ARHGEF12: variants seen among roughly 807,000 people sequenced by gnomAD.
ARHGEF12 encodes Rho guanine nucleotide exchange factor 12.
A neutral mutation model predicts 211.2 loss-of-function variants in ARHGEF12; 66 were observed. The ratio of observed to expected loss-of-function variants is 0.31; its 90% CI spans 0.26 to 0.38. The LOEUF (loss-of-function observed/expected upper bound fraction) is 0.38, where lower values mean the gene tolerates loss of function less well. Among genes scored for constraint, ARHGEF12 ranks in the 10% least tolerant of loss-of-function variants. ARHGEF12 has a pLI of 1.00. For synonymous variants in ARHGEF12, 592 were observed against 638.4 expected (o/e 0.93, Z 1.09); for missense variants, 1,429 against 1,869.5 (o/e 0.76, Z 4.34).
intron 1 of ARHGEF12, among the ~76,000 whole-genome samples, chr11:120,395,065 AAAAAAAAAAAAAAAAGAT>A (rs1287428759): frequency 6.6e-6 from 1 of 151,246 alleles, no homozygotes; most frequent in East Asian, 1.9e-4. Context: ...TCAAAAAAAA[AAAAAAAAAAAAAAAAGAT>A]AAGGGAGCAT....
chr11:120,421,947 G>A, intron 6 of ARHGEF12, 95 bp downstream of exon 6: 1 of 916,690 alleles, frequency 1.1e-6, no homozygotes, highest in South Asian at 1.6e-5. Context: ...TTTATAAAAA[G>A]CATCATACTT....
At chr11:120,452,568 G>A (rs1381586311) in intron 22 of ARHGEF12, among the ~76,000 whole-genome samples, 1 of 152,190 alleles carries the variant, frequency 6.6e-6, no homozygotes, top group Non-Finnish European at 1.5e-5. Context: ...ACGTCACCAA[G>A]TGTGATTTTT....
intron 38 of ARHGEF12, 140 bp from the exon 39 acceptor site, chr11:120,481,120 G>T: frequency 1.3e-6 from 1 of 742,230 alleles, no homozygotes; most frequent in Non-Finnish European, 2.2e-6. Context: ...AAATTCTGAT[G>T]TACCTGAAAC....
intron 1 of ARHGEF12, among the ~76,000 whole-genome samples, chr11:120,379,693 T>G (rs1943826013): frequency 6.6e-6 from 1 of 152,100 alleles, no homozygotes; most frequent in Non-Finnish European, 1.5e-5. Flanking sequence ...AGGAGGTATT[T>G]TCATCTGAGG....
At chr11:120,375,023 T>C (rs1288846642) in intron 1 of ARHGEF12, among the ~76,000 whole-genome samples, 1 of 152,204 alleles carries the variant, frequency 6.6e-6, no homozygotes, top group African/African-American at 2.4e-5. Context: ...CACTTTAGTT[T>C]CTCAGTGAAA....
intron 12 of ARHGEF12, chr11:120,439,916 A>C (rs1007912994): frequency 1.2e-5 from 6 of 485,282 alleles, no homozygotes; most frequent in African/African-American, 6.0e-5. Context: ...CCCAAAAAAA[A>C]CTCGTTGTTG....
chr11:120,380,988 T>A (rs1318996285), intron 1 of ARHGEF12, among the ~76,000 whole-genome samples: 1 of 152,214 alleles, frequency 6.6e-6, no homozygotes, highest in Non-Finnish European at 1.5e-5. Flanking sequence ...TTTTTGAACA[T>A]CTCCTGACGT....
chr11:120,353,457 G>A (rs1943049038), intron 1 of ARHGEF12, among the ~76,000 whole-genome samples: 2 of 152,032 alleles, frequency 1.3e-5, no homozygotes, highest in Non-Finnish European at 1.5e-5. Flanking sequence ...AGACTCTTGC[G>A]GTCCATCTCA....
intron 10 of ARHGEF12, 147 bp downstream of exon 10, chr11:120,429,978 A>G (rs2135720935): frequency 1.2e-6 from 1 of 813,316 alleles, no homozygotes; most frequent in South Asian, 2.8e-5. Context: ...TTACAGAAGT[A>G]ATGATTAACA....
Position 120,481,599 on chromosome 11 carries a change from T to C in ARHGEF12, c.4554+23T>C, listed in dbSNP as rs762437074. On this transcript the variant is annotated intron_variant, in intron 39 of 40. Transcript: ENST00000397843. ...AAGGTACCTCATACTTCCACATCCA[T>C]AGGACTTGGTTGTAAGAAACATTTA... 42 of 1,601,778 alleles carry C rather than the reference T, an allele frequency of 2.6e-5. No homozygotes were observed. In the South Asian group the frequency reaches 4.1e-4, roughly 16 times the overall value.
rs560425299 is a variant in ARHGEF12, at chr11:120,340,714, C to T, written c.32+3439C>T. ...ACCTTTTCTTGTAAAGTCAGCCAGT[C>T]CATAAATACAAAATTGAAATGGGGG... On this transcript the variant is annotated intron_variant, in intron 1 of 40. Transcript: ENST00000397843. 1.2e-4 allele frequency among the ~76,000 whole-genome samples: 18 copies of T among 152,222 alleles called. No individual in the cohort carries two copies. In the South Asian group the frequency reaches 2.9e-3, roughly 25 times the overall value.
chr11:120,382,119 G>A (rs10892568), intron 1 of ARHGEF12, among the ~76,000 whole-genome samples: 94,492 of 152,030 alleles, frequency 0.62, 30,739 homozygotes, highest in African/African-American at 0.81. Context: ...TTCAGTTTTT[G>A]GCATTAGGAG....
chr11:120,421,903 T>C (rs1345465743), intron 6 of ARHGEF12, 51 bp downstream of exon 6: 1 of 1,382,788 alleles, frequency 7.2e-7, no homozygotes, highest in Non-Finnish European at 1.0e-6. Context: ...AAACAACATA[T>C]ATTGGTCATA....
At chr11:120,375,793 A>G (rs1943707170) in intron 1 of ARHGEF12, among the ~76,000 whole-genome samples, 1 of 152,118 alleles carries the variant, frequency 6.6e-6, no homozygotes, top group Non-Finnish European at 1.5e-5. Flanking sequence ...CTCAGAAACC[A>G]CATTATATTT....
In ARHGEF12 at chr11:120,432,807, T is replaced by A. The variant is rs76095650; in HGVS notation, c.924+896T>A. Among the ~76,000 whole-genome samples, 43 of 152,322 alleles carry A rather than the reference T, an allele frequency of 2.8e-4. No individual in the cohort carries two copies. The East Asian group carries it at 8.1e-3, about 29-fold the overall frequency. ...GGGATTGTTTTGTTTTGTTGTTTTT[T>A]AAAAAGGAAGCCGTGGTCTAAGCCA... is the stretch of plus-strand genomic sequence containing the variant. On this transcript the variant is annotated intron_variant, in intron 11 of 40. Transcript: ENST00000397843.
chr11:120,389,863 C>A (rs923237083), intron 1 of ARHGEF12, among the ~76,000 whole-genome samples: 1 of 152,192 alleles, frequency 6.6e-6, no homozygotes, highest in Non-Finnish European at 1.5e-5. Context: ...GGAACTCATT[C>A]TTTTTTATGG....
intron 28 of ARHGEF12, among the ~76,000 whole-genome samples, chr11:120,466,568 A>G (rs1275502112): frequency 1.3e-5 from 2 of 152,228 alleles, no homozygotes; most frequent in African/African-American, 4.8e-5. Flanking sequence ...GTTCATACTC[A>G]AGGGCATAGG....
chr11:120,421,479 C>T (rs1260166699), intron 5 of ARHGEF12, among the ~76,000 whole-genome samples: 1 of 138,216 alleles, frequency 7.2e-6, no homozygotes, highest in Admixed American at 7.7e-5. Flanking sequence ...CCCTCTGTCA[C>T]CAGACTGGAG....
intron 1 of ARHGEF12, among the ~76,000 whole-genome samples, chr11:120,358,793 C>T (rs749433852): frequency 2.1e-4 from 32 of 152,226 alleles, no homozygotes; most frequent in Admixed American, 3.3e-4. Context: ...CATTTATCAA[C>T]GCATAGTTTA....
Sources: gnomAD v4.1 joint callset for allele counts (sites outside exome capture counted in the v4.1 genomes callset) on GRCh38, gnomAD v4.1.1 for gene constraint, MANE v1.5 for transcripts, NCBI Gene and HGNC (gene_info 2026-07-23, HGNC 2026-07-21) for gene names.